Variants in PTPRD observed in about 807,000 individuals in gnomAD.
PTPRD encodes protein tyrosine phosphatase receptor type D.
Under a neutral mutation model 214.5 loss-of-function variants are expected in PTPRD, and 34 were observed. The ratio of observed to expected loss-of-function variants is 0.16; its 90% CI spans 0.12 to 0.21. PTPRD has a LOEUF of 0.21. Ranked by LOEUF, PTPRD falls within the 10% of genes least tolerant of loss-of-function variation. The pLI is 1.00. For synonymous variants in PTPRD, 1,128 were observed against 845.7 expected, an observed-to-expected ratio of 1.33 and a Z score of -5.79; for missense variants, 2,545 against 2,398.7, an observed-to-expected ratio of 1.06 and a Z score of -1.27.
intron 2 of PTPRD, among the ~76,000 whole-genome samples, chr9:10,396,926 T>C (rs546785058): frequency 6.6e-6 from 1 of 152,068 alleles, no homozygotes; most frequent in East Asian, 2.0e-4. Context: ...GGCCCTGGAA[T>C]CAGGCTCTTA....
intron 4 of PTPRD, among the ~76,000 whole-genome samples, chr9:9,952,833 A>G (rs967058135): frequency 6.6e-6 from 1 of 152,094 alleles, no homozygotes; most frequent in Non-Finnish European, 1.5e-5. Context: ...TTTATTCCAA[A>G]TCCACTGCAC....
chr9:10,354,583 C>T (rs984718243), intron 2 of PTPRD, among the ~76,000 whole-genome samples: 4 of 152,114 alleles, frequency 2.6e-5, no homozygotes, highest in Non-Finnish European at 5.9e-5. Flanking sequence ...TATGCTTTTA[C>T]AAGAATGTTT....
At chr9:9,220,419 T>A (rs1338646828) in intron 9 of PTPRD, among the ~76,000 whole-genome samples, 1 of 151,540 alleles carries the variant, frequency 6.6e-6, no homozygotes, top group Admixed American at 6.6e-5. Context: ...TGAAGGCCAA[T>A]ACACTAACTA....
intron 3 of PTPRD, among the ~76,000 whole-genome samples, chr9:10,303,525 TAAA>T (rs1448678462): frequency 2.0e-5 from 3 of 151,296 alleles, no homozygotes; most frequent in Non-Finnish European, 4.4e-5. Flanking sequence ...GACAGACTAA[TAAA>T]GAAGAAAAGA....
intron 3 of PTPRD, among the ~76,000 whole-genome samples, chr9:10,250,128 TATG>T (rs1017001720): frequency 6.6e-6 from 1 of 152,174 alleles, no homozygotes; most frequent in African/African-American, 2.4e-5. Context: ...ATCTGAGGAT[TATG>T]ATACCTTTAG....
intron 7 of PTPRD, among the ~76,000 whole-genome samples, chr9:9,646,971 C>T (rs1594109496): frequency 1.3e-5 from 2 of 152,092 alleles, no homozygotes; most frequent in East Asian, 3.9e-4. Flanking sequence ...GCAGGGGGCT[C>T]ATATAGAGTA....
In PTPRD at chr9:8,798,384, T is replaced by A. The variant is rs368536851; in HGVS notation, c.-103-64438A>T. Among the ~76,000 whole-genome samples the A allele has an allele frequency of 2.6e-5, 4 of 152,212 alleles. No homozygotes were observed. The East Asian group carries it at 5.8e-4, about 22-fold the overall frequency. ...ACCAAAGTGCCAAGAATGCAGATAATACTGCTTTCAAACGGATTAGAGAAT... is the reference window on the plus strand; with the variant it reads ...ACCAAAGTGCCAAGAATGCAGATAAAACTGCTTTCAAACGGATTAGAGAAT... On this transcript the variant is annotated intron_variant, in intron 11 of 45. Coordinates refer to ENST00000381196, the MANE Select transcript of PTPRD (RefSeq NM_002839.4).
chr9:8,535,994 T>C (rs1268173823), intron 14 of PTPRD, among the ~76,000 whole-genome samples: 1 of 151,918 alleles, frequency 6.6e-6, no homozygotes, highest in East Asian at 1.9e-4. Flanking sequence ...ATGCCCAGTA[T>C]CTCTAAAATA....
intron 9 of PTPRD, among the ~76,000 whole-genome samples, chr9:9,345,305 C>G (rs138519930): frequency 7.8e-4 from 118 of 151,976 alleles, no homozygotes; most frequent in Non-Finnish European, 1.4e-3. Context: ...TAGGGCAGCC[C>G]TCATCTTCTG....
chr9:8,531,781 G>T (rs1250103378), intron 14 of PTPRD, among the ~76,000 whole-genome samples: 1 of 152,064 alleles, frequency 6.6e-6, no homozygotes. Context: ...CTGATCAGTG[G>T]CAAGTGCCAA....
intron 5 of PTPRD, among the ~76,000 whole-genome samples, chr9:9,904,229 C>T (rs528270709): frequency 3.9e-5 from 6 of 152,090 alleles, no homozygotes; most frequent in Admixed American, 3.9e-4. Flanking sequence ...TTCAGCCAAA[C>T]GTTTGATGAA....
At chr9:9,638,725 T>C (rs1243128425) in intron 7 of PTPRD, among the ~76,000 whole-genome samples, 2 of 152,232 alleles carry the variant, frequency 1.3e-5, no homozygotes, top group East Asian at 3.9e-4. Flanking sequence ...TATCAACTTC[T>C]GTCTTAGTGT....
intron 21 of PTPRD, among the ~76,000 whole-genome samples, chr9:8,517,138 T>C (rs1273160257): frequency 2.6e-5 from 4 of 152,156 alleles, no homozygotes; most frequent in Non-Finnish European, 5.9e-5. Context: ...CCTGTTATTT[T>C]ATATTAGCCC....
intron 3 of PTPRD, among the ~76,000 whole-genome samples, chr9:10,077,152 G>A (rs1032191508): frequency 1.3e-5 from 2 of 152,058 alleles, no homozygotes; most frequent in African/African-American, 4.8e-5. Context: ...AAAATGTTAT[G>A]TAACAATTAT....
intron 34 of PTPRD, among the ~76,000 whole-genome samples, chr9:8,440,341 A>T (rs1258548700): frequency 1.3e-5 from 2 of 150,016 alleles, no homozygotes; most frequent in Non-Finnish European, 3.0e-5. Flanking sequence ...TTTGAGATGT[A>T]GTCTCACTCT....
chr9:10,147,289 G>A (rs1467089841), intron 3 of PTPRD, among the ~76,000 whole-genome samples: 2 of 151,948 alleles, frequency 1.3e-5, no homozygotes, highest in Non-Finnish European at 2.9e-5. Context: ...TATACTTTAA[G>A]TTTTAGGGTA....
At chr9:9,976,788 G>C (rs770873394) in intron 4 of PTPRD, among the ~76,000 whole-genome samples, 134 of 148,580 alleles carry the variant, frequency 9.0e-4, no homozygotes, top group African/African-American at 3.2e-3. Flanking sequence ...TTATTCTCTA[G>C]CTAGCTATCT....
intron 2 of PTPRD, among the ~76,000 whole-genome samples, chr9:10,528,574 G>A (rs887055400): frequency 3.1e-4 from 47 of 152,062 alleles, no homozygotes; most frequent in African/African-American, 1.1e-3. Flanking sequence ...TGTATACTCA[G>A]GGCCTAGCCC....
At chr9:9,205,210 C>G (rs2099944118) in intron 9 of PTPRD, among the ~76,000 whole-genome samples, 1 of 152,118 alleles carries the variant, frequency 6.6e-6, no homozygotes, top group South Asian at 2.1e-4. Flanking sequence ...TTGTTGTTTT[C>G]AAGTGAATTC....
Sources: gnomAD v4.1 joint callset for allele counts (sites outside exome capture counted in the v4.1 genomes callset) on GRCh38, gnomAD v4.1.1 for gene constraint, MANE v1.5 for transcripts, NCBI Gene and HGNC (gene_info 2026-07-23, HGNC 2026-07-21) for gene names.